CNTN5: variants seen among roughly 807,000 people sequenced by gnomAD.
CNTN5 encodes the protein contactin 5, also known as contactin-5.
Under a neutral mutation model 129.1 loss-of-function variants are expected in CNTN5, and 77 were observed. The observed-to-expected ratio is 0.60, with a 90% CI of 0.50 to 0.72. CNTN5 has a LOEUF of 0.72. CNTN5 is among the 30% of genes least tolerant of loss of function. The pLI, the probability that CNTN5 is intolerant of heterozygous loss-of-function variation, is 0.00. For synonymous variants in CNTN5, 509 were observed against 465.6 expected, an observed-to-expected ratio of 1.09 and a Z score of -1.20; for missense variants, 1,478 against 1,328.8, an observed-to-expected ratio of 1.11 and a Z score of -1.75.
At chr11:99,034,446 A>C (rs1218254846) in intron 1 of CNTN5, among the ~76,000 whole-genome samples, 1 of 151,302 alleles carries the variant, frequency 6.6e-6, no homozygotes, top group African/African-American at 2.4e-5. Flanking sequence ...ACAATTTCAG[A>C]CCCTGTTATT....
At chr11:99,702,876 T>C (rs1954582910) in intron 3 of CNTN5, among the ~76,000 whole-genome samples, 1 of 150,996 alleles carries the variant, frequency 6.6e-6, no homozygotes, top group Non-Finnish European at 1.5e-5. Flanking sequence ...ATACTCTCAT[T>C]TATTTTTGTT....
chr11:99,620,027 A>AAAAG (rs1565355493), intron 3 of CNTN5, among the ~76,000 whole-genome samples: 56 of 129,014 alleles, frequency 4.3e-4, no homozygotes, highest in Admixed American at 8.0e-4. Context: ...CTCCGTCTCA[A>AAAAG]AAAAAAAAAA....
intron 2 of CNTN5, among the ~76,000 whole-genome samples, chr11:99,330,096 A>C (rs1342088432): frequency 6.6e-6 from 1 of 151,550 alleles, no homozygotes; most frequent in East Asian, 1.9e-4. Flanking sequence ...AAAAAAAAGG[A>C]AAAGAAGTAC....
intron 1 of CNTN5, among the ~76,000 whole-genome samples, chr11:99,173,472 A>G (rs891943027): frequency 6.6e-6 from 1 of 152,240 alleles, no homozygotes; most frequent in African/African-American, 2.4e-5. Flanking sequence ...ACTAGATATT[A>G]TTGGTCAGAT....
chr11:99,202,573 A>C (rs372093326), intron 1 of CNTN5, among the ~76,000 whole-genome samples: 1 of 152,144 alleles, frequency 6.6e-6, no homozygotes, highest in East Asian at 1.9e-4. Flanking sequence ...CAGACCTAAG[A>C]AATAACAAAT....
Position 99,819,589 on chromosome 11 carries a change from T to C in CNTN5, c.101T>C (p.Leu34Ser). 1 of 1,612,930 alleles carries C rather than the reference T, an allele frequency of 6.2e-7. No homozygotes were observed. Among genetic ancestry groups the C allele is most frequent in the South Asian group, 1.1e-5 (1 of 91,088 alleles). The change falls in exon 4 of 25, where the codon TTG becomes TCG. Residue 34 changes from leucine (L) to serine (S), a missense_variant. Transcript: ENST00000524871. ...GGTCTCTCCACTTCATATGCTGCTTTGTTAAGAATTAAGAAGAGTTCATCT... is the reference window on the plus strand; with the variant it reads ...GGTCTCTCCACTTCATATGCTGCTTCGTTAAGAATTAAGAAGAGTTCATCT... ...LPGLSTSYAALLRIKKSSSSS... is the reference protein window; with the variant it reads ...LPGLSTSYAASLRIKKSSSSS...
chr11:100,337,795 G>A (rs962275684), intron 21 of CNTN5, among the ~76,000 whole-genome samples: 11 of 152,190 alleles, frequency 7.2e-5, no homozygotes, highest in Non-Finnish European at 1.5e-4. Flanking sequence ...TTTGTTTGAA[G>A]CTCAGAGGGA....
chr11:100,193,930 T>C (rs1249507647), intron 15 of CNTN5, among the ~76,000 whole-genome samples: 1 of 151,926 alleles, frequency 6.6e-6, no homozygotes, highest in East Asian at 1.9e-4. Context: ...ACACAATACT[T>C]CTCAAAAGTT....
At chr11:100,062,959 C>G (rs1352761460) in intron 10 of CNTN5, among the ~76,000 whole-genome samples, 2 of 152,132 alleles carry the variant, frequency 1.3e-5, no homozygotes, top group Admixed American at 6.6e-5. Context: ...TGAAGTATTA[C>G]CATCCCTCTG....
At chr11:99,818,941 T>G (rs1439321658) in intron 3 of CNTN5, among the ~76,000 whole-genome samples, 2 of 152,096 alleles carry the variant, frequency 1.3e-5, no homozygotes, top group East Asian at 3.9e-4. Flanking sequence ...TGAATTTGAC[T>G]ACTTTTCAAG....
intron 9 of CNTN5, among the ~76,000 whole-genome samples, chr11:100,017,983 T>A (rs2137549906): frequency 6.6e-6 from 1 of 152,092 alleles, no homozygotes; most frequent in Admixed American, 6.6e-5. Flanking sequence ...GTTTGACTTT[T>A]GTTTGGGGGG....
At chr11:99,990,453 T>TGCAC (rs1555173012) in intron 8 of CNTN5, among the ~76,000 whole-genome samples, 1 of 143,976 alleles carries the variant, frequency 6.9e-6, no homozygotes, top group Admixed American at 7.0e-5. Context: ...AATATATATA[T>TGCAC]ATACACACAC....
chr11:99,297,332 T>C (rs1306893203), intron 1 of CNTN5, among the ~76,000 whole-genome samples: 1 of 152,042 alleles, frequency 6.6e-6, no homozygotes, highest in Non-Finnish European at 1.5e-5. Flanking sequence ...TTCCCAGCAG[T>C]CCCATCATCT....
intron 3 of CNTN5, among the ~76,000 whole-genome samples, chr11:99,638,657 TC>T (rs1393845919): frequency 1.3e-5 from 2 of 152,094 alleles, no homozygotes; most frequent in African/African-American, 4.8e-5. Flanking sequence ...GTTTTCAGGG[TC>T]CATGCAAGTC....
At chr11:99,467,237 G>A (rs530427728) in intron 2 of CNTN5, among the ~76,000 whole-genome samples, 8 of 151,882 alleles carry the variant, frequency 5.3e-5, no homozygotes, top group African/African-American at 1.7e-4. Context: ...CTATATTTGC[G>A]CTTTTTTGGG....
At chr11:99,983,442 T>C (rs1938475538) in intron 8 of CNTN5, among the ~76,000 whole-genome samples, 1 of 152,196 alleles carries the variant, frequency 6.6e-6, no homozygotes, top group Admixed American at 6.5e-5. Context: ...TCGAATGCAA[T>C]ACTAGGGGAT....
chr11:100,049,096 T>G (rs1326199065), intron 9 of CNTN5, among the ~76,000 whole-genome samples: 1 of 152,152 alleles, frequency 6.6e-6, no homozygotes, highest in Non-Finnish European at 1.5e-5. Context: ...GGAAATGTAA[T>G]ACTGTTTTAA....
chr11:99,097,084 A>G (rs1029029828), intron 1 of CNTN5, among the ~76,000 whole-genome samples: 1 of 151,828 alleles, frequency 6.6e-6, no homozygotes, highest in African/African-American at 2.4e-5. Context: ...ACATTATTCA[A>G]TCTACACTGA....
intron 9 of CNTN5, among the ~76,000 whole-genome samples, chr11:100,019,861 T>G (rs919599203): frequency 6.6e-6 from 1 of 152,058 alleles, no homozygotes; most frequent in Non-Finnish European, 1.5e-5. Flanking sequence ...TTATCTTTTG[T>G]CTTTTTGTAA....
Sources: allele counts gnomAD v4.1 joint callset (sites outside exome capture counted in the v4.1 genomes callset), GRCh38; gene constraint gnomAD v4.1.1; transcripts MANE v1.5; gene names NCBI Gene and HGNC (gene_info 2026-07-23, HGNC 2026-07-21).